The following DUOX1 variants were observed in gnomAD, a reference collection of about 807,000 sequenced individuals.
DUOX1 encodes NADPH thyroid oxidase 1.
A neutral mutation model predicts 181.8 loss-of-function variants in DUOX1; 134 were observed. That is an observed-to-expected ratio of 0.74 (90% confidence interval 0.64 to 0.85). The LOEUF (loss-of-function observed/expected upper bound fraction) is 0.85, where lower values mean the gene tolerates loss of function less well. Among genes scored for constraint, DUOX1 ranks in the 40% least tolerant of loss-of-function variants. DUOX1 has a pLI of 0.00. For synonymous variants in DUOX1, 798 were observed against 832.5 expected, an observed-to-expected ratio of 0.96 and a Z score of 0.71; for missense variants, 1,814 against 2,064.4, an observed-to-expected ratio of 0.88 and a Z score of 2.35.
intron 18 of DUOX1, among the ~76,000 whole-genome samples, chr15:45,146,630 T>C (rs1278093272): frequency 6.6e-6 from 1 of 152,188 alleles, no homozygotes; most frequent in East Asian, 1.9e-4. Flanking sequence ...TTGCATGAGG[T>C]CATTCAGCAA....
At chr15:45,142,679 C>T (rs902353597) in intron 15 of DUOX1, among the ~76,000 whole-genome samples, 5 of 151,700 alleles carry the variant, frequency 3.3e-5, no homozygotes, top group African/African-American at 1.2e-4. Flanking sequence ...GAGCTTAGAT[C>T]GCGCCATTGC....
Position 45,151,151 on chromosome 15 carries a change from T to C in DUOX1, c.2917T>C (p.Ser973Pro). 6.2e-7 allele frequency: 1 copy of C among 1,614,142 alleles called. No individual in the cohort carries two copies. The highest frequency in any genetic ancestry group is 1.1e-5 in the South Asian group (1 of 91,076). ...CTCTCCCAGAGTGAGTGCCCGCTGTTCCCGCAGCGACATTGAGACTGAGTT... is the reference window on the plus strand; with the variant it reads ...CTCTCCCAGAGTGAGTGCCCGCTGTCCCCGCAGCGACATTGAGACTGAGTT... ...CPSPRVSARC[S>P]RSDIETELTP... Residue 973 changes from serine to proline, a missense_variant, in exon 23 of 34, where the codon TCC becomes CCC. Ser to Pro is a moderately conservative substitution (Grantham distance 74, BLOSUM62 -1). Around this residue, in one of 5 missense-constraint regions of DUOX1, gnomAD observed 1,064 missense variants for 1,152.9 expected, o/e 0.92. Coordinates refer to ENST00000389037, the MANE Select transcript of DUOX1 (RefSeq NM_175940.3).
Position 45,152,367 on chromosome 15 carries a change from G to A in DUOX1, c.3275G>A (p.Ser1092Asn), listed in dbSNP as rs1896838086. Residue 1092 changes from serine to asparagine, a missense_variant, in exon 25 of 34, where the codon AGC (serine) becomes AAC (asparagine). Transcript: ENST00000389037. ...GIILSRGTAA[S>N]ISFMFSYILL... ...ATCCTGTCGCGGGGCACAGCAGCCA[G>A]CATCTCTTTCATGTTCTCCTACATC... The A allele has an allele frequency of 6.2e-7, 1 of 1,614,234 alleles. No homozygotes were observed. The highest frequency in any genetic ancestry group is 1.7e-5 in the Admixed American group (1 of 60,038).
At chr15:45,141,666 C>T (rs1595581025) in intron 14 of DUOX1, among the ~76,000 whole-genome samples, 1 of 152,156 alleles carries the variant, frequency 6.6e-6, no homozygotes, top group African/African-American at 2.4e-5. Flanking sequence ...GGTTCACATT[C>T]GGCTGAGATG....
chr15:45,145,040 G>A lies in DUOX1; in HGVS notation c.2282G>A (p.Arg761Lys). The change falls in exon 18 of 34, where the codon AGG (arginine) becomes AAG (lysine). Residue 761 changes from arginine (R) to lysine (K), a missense_variant. This residue lies in a region of DUOX1 where 1,064 missense variants were observed against 1,152.9 expected (regional missense o/e 0.92). Coordinates refer to ENST00000389037, the MANE Select transcript of DUOX1 (RefSeq NM_175940.3). ...GCAGCTGTGACACGGGAGCAGCGGA[G>A]GCACCTCCTGGAGACCTTTTTCAGG... is the stretch of plus-strand genomic sequence containing the variant. Reference protein sequence around the residue: ...MRAAVTREQRRHLLETFFRHL... With the variant: ...MRAAVTREQRKHLLETFFRHL... The A allele has an allele frequency of 1.9e-6, 3 of 1,612,688 alleles. No individual in the cohort carries two copies. The highest frequency in any genetic ancestry group is 2.5e-6 in the Non-Finnish European group (3 of 1,179,434).
In DUOX1 at chr15:45,147,577, A is replaced by G; in HGVS notation, c.2467A>G (p.Met823Val). Residue 823 changes from methionine (M) to valine (V), a missense_variant, in exon 19 of 34, where the codon ATG (methionine) becomes GTG (valine). Coordinates refer to ENST00000389037, the MANE Select transcript of DUOX1 (RefSeq NM_175940.3). ...GCCCCAGGACATGTTTGTGGAGTCC[A>G]TGTTCTCTCTGGCTGACAAGGATGG... ...LKPQDMFVES[M>V]FSLADKDGNG... is the part of the protein sequence containing the mutation. 2 of 1,614,146 alleles carry G rather than the reference A, an allele frequency of 1.2e-6. No homozygotes were observed. The highest frequency in any genetic ancestry group is 1.7e-6 in the Non-Finnish European group (2 of 1,180,002).
chr15:45,141,115 G>GC (rs1896479912), intron 13 of DUOX1, 45 bp downstream of exon 13: 1 of 1,611,120 alleles, frequency 6.2e-7, no homozygotes, highest in African/African-American at 1.3e-5. Context: ...CTCGGCCTGG[G>GC]CCCCAGACCC....
rs377581677 is a variant in DUOX1 at position 45,163,929 on chromosome 15, C to T, written c.4533+11C>T. 4.5e-5 allele frequency: 73 copies of T among 1,612,962 alleles called. No individual in the cohort carries two copies. The highest frequency in any genetic ancestry group is 5.6e-5 in the Non-Finnish European group (66 of 1,179,346). On this transcript the variant is annotated intron_variant, in intron 33 of 33. Coordinates refer to ENST00000389037, the MANE Select transcript of DUOX1 (RefSeq NM_175940.3). ...GAGGTCCACCCCCAGGTCAGTCCAA[C>T]CCATAACCAGGTTCTCTTCCTCTTT... is the stretch of plus-strand genomic sequence containing the variant.
In DUOX1 at chr15:45,162,528, G is replaced by A. The variant is rs994693181; in HGVS notation, c.4248+151G>A. On this transcript the variant is annotated intron_variant, in intron 31 of 33. Transcript: ENST00000389037. ...AAACCTGGGGTTGGGTGGTGAGTGG[G>A]GTGGTATCAGGATATCCCTAGACCC... 4.3e-6 allele frequency: 4 copies of A among 938,278 alleles called. No individual in the cohort carries two copies. In the African/African-American group the frequency reaches 4.9e-5, roughly 12 times the overall value. 58.1% of individuals were successfully genotyped at this position (938,278 alleles called of 1,614,324 possible).
Position 45,144,166 on chromosome 15 carries a change from CA to C in DUOX1, c.2069del (p.Asn690ThrfsTer44), listed in dbSNP as rs762192943. The C allele has an allele frequency of 5.0e-6, 8 of 1,614,164 alleles. No individual in the cohort carries two copies. Among genetic ancestry groups the C allele is most frequent in the South Asian group, 4.4e-5 (4 of 91,086 alleles). On this transcript the variant is annotated frameshift_variant, in exon 17 of 34. Transcript: ENST00000389037. LOFTEE classifies it high-confidence loss of function. ...TCCAGCTGCAGCCTCCACAGAAGGTCAACTTCGTCCTGTCCAGCAACCGTGG... is the reference window on the plus strand; with the variant it reads ...TCCAGCTGCAGCCTCCACAGAAGGTCACTTCGTCCTGTCCAGCAACCGTGG... ...TIQLQPPQKV[N>X]FVLSSNRGRR...
intron 28 of DUOX1, among the ~76,000 whole-genome samples, chr15:45,156,152 G>A (rs952336482): frequency 1.3e-5 from 2 of 152,196 alleles, no homozygotes; most frequent in African/African-American, 4.8e-5. Context: ...GGGTTTTGCA[G>A]TAGCAGCCCT....
intron 18 of DUOX1, among the ~76,000 whole-genome samples, chr15:45,146,536 C>A: frequency 6.6e-6 from 1 of 152,194 alleles, no homozygotes; most frequent in African/African-American, 2.4e-5. Context: ...ACATTTTCAA[C>A]ACAACCACTT....
In DUOX1 at chr15:45,151,986, C is replaced by T. The variant is rs1896818235; in HGVS notation, c.3127C>T (p.Arg1043Cys). The T allele has an allele frequency of 1.9e-6, 3 of 1,614,136 alleles. No individual in the cohort carries two copies. The highest frequency in any genetic ancestry group is 1.6e-4 in the Middle Eastern group (1 of 6,062). ...QFKRFIENYR[R>C]HIGCVAVFYA... ...CAAGCGCTTCATTGAGAACTACCGG[C>T]GCCACATCGGCTGCGTGGCCGTGTT... is the stretch of plus-strand genomic sequence containing the variant. Residue 1043 changes from arginine (R) to cysteine (C), a missense_variant, in exon 24 of 34, where the codon CGC becomes TGC. Arg to Cys is a radical substitution (Grantham distance 180, BLOSUM62 -3). Transcript: ENST00000389037.
intron 21 of DUOX1, chr15:45,150,377 G>A: frequency 3.9e-6 from 2 of 513,492 alleles, no homozygotes; most frequent in Non-Finnish European, 7.0e-6. Context: ...CCAGAAGTGG[G>A]ACTGATGATG....
intron 30 of DUOX1, 115 bp downstream of exon 30, chr15:45,162,085 T>C: frequency 2.1e-6 from 3 of 1,461,272 alleles, no homozygotes; most frequent in Admixed American, 2.0e-5. Flanking sequence ...AGAGACTGGT[T>C]GTTCCAGATA....
chr15:45,153,337 C>T, intron 25 of DUOX1, 43 bp from the exon 26 acceptor site: 1 of 1,565,448 alleles, frequency 6.4e-7, no homozygotes, highest in Non-Finnish European at 8.8e-7. Flanking sequence ...GAGCACCCAC[C>T]CTGGGCTGCC....
At chr15:45,139,744 T>C in intron 12 of DUOX1, 145 bp downstream of exon 12, 1 of 918,362 alleles carries the variant, frequency 1.1e-6, no homozygotes, top group African/African-American at 1.7e-5. Flanking sequence ...CTTTTCCCAA[T>C]ATTACATATC....
chr15:45,137,890 C>G (rs554745909), intron 9 of DUOX1, 34 bp from the exon 10 acceptor site: 1 of 1,533,660 alleles, frequency 6.5e-7, no homozygotes, highest in Admixed American at 1.8e-5. Context: ...ACCCCATTAT[C>G]TCAATCACCA....
In DUOX1 at chr15:45,137,958, C is replaced by T. The variant is rs574658417; in HGVS notation, c.1057C>T (p.Arg353Trp). Residue 353 changes from arginine (R) to tryptophan (W), a missense_variant, in exon 10 of 34, where the codon CGG becomes TGG. This residue lies in a region of DUOX1 where 1,064 missense variants were observed against 1,152.9 expected (regional missense o/e 0.92). Transcript: ENST00000389037. ...ASCHFQGVINRNSSVSRALRV... is the reference protein window; with the variant it reads ...ASCHFQGVINWNSSVSRALRV... ...CTGCCACTTCCAGGGGGTCATCAAT[C>T]GGAACTCAAGTGTCTCCAGAGCTCT... The T allele has an allele frequency of 8.7e-6, 14 of 1,609,738 alleles. No homozygotes were observed. The highest frequency in any genetic ancestry group is 4.0e-5 in the African/African-American group (3 of 74,832).
Sources: allele counts gnomAD v4.1 joint callset (sites outside exome capture counted in the v4.1 genomes callset), GRCh38; gene constraint gnomAD v4.1.1; regional missense constraint gnomAD v4.1.1; transcripts MANE v1.5; gene names NCBI Gene and HGNC (gene_info 2026-07-23, HGNC 2026-07-21).